The following PHF20L1 variants were observed in gnomAD, a reference collection of about 807,000 sequenced individuals.
The protein encoded by PHF20L1 is PHD finger protein 20 like 1.
A neutral mutation model predicts 125.5 loss-of-function variants in PHF20L1; 44 were observed. The observed-to-expected ratio is 0.35, with a 90% confidence interval of 0.28 to 0.45. The LOEUF (loss-of-function observed/expected upper bound fraction) is 0.45. PHF20L1 is among the 20% of genes least tolerant of loss of function. The probability of loss-of-function intolerance (pLI) is 1.00; values close to 1 mark genes in which losing one functional copy is unlikely to be tolerated. For synonymous variants in PHF20L1, 380 were observed against 403.1 expected (o/e 0.94, Z 0.69); for missense variants, 1,012 against 1,217.2 (o/e 0.83, Z 2.51).
At chr8:132,794,919 A>C in intron 4 of PHF20L1, 102 bp downstream of exon 4, 1 of 688,766 alleles carries the variant, frequency 1.5e-6, no homozygotes, top group Non-Finnish European at 2.5e-6. Flanking sequence ...ATTACGTATA[A>C]CTTTTATATT....
chr8:132,782,752 C>T (rs957634899), intron 2 of PHF20L1, among the ~76,000 whole-genome samples: 5 of 151,766 alleles, frequency 3.3e-5, no homozygotes, highest in African/African-American at 1.2e-4. Context: ...TAGTAACCTG[C>T]TGATTTTCTT....
intron 18 of PHF20L1, among the ~76,000 whole-genome samples, chr8:132,841,178 A>C (rs1019672557): frequency 1.3e-5 from 2 of 152,096 alleles, no homozygotes; most frequent in Non-Finnish European, 2.9e-5. Flanking sequence ...TTTAAATCAT[A>C]ATATCTGTTA....
chr8:132,847,315 AG>A lies in PHF20L1; in HGVS notation c.*1394del, dbSNP rs1408546820. On this transcript the variant is annotated 3_prime_UTR_variant, in exon 21 of 21. Transcript: ENST00000395386. ...TTTTAAAAATTAAAAATGTATGTAT[AG>A]GTTTTGAAATTTTTTTAAAAGGGGA... 1.3e-5 allele frequency: 2 copies of A among 152,600 alleles called. No individual in the cohort carries two copies. The highest frequency in any genetic ancestry group is 2.9e-5 in the Non-Finnish European group (2 of 68,006). The allele number at this position is 152,600 out of a possible 1,614,324, so 9.5% of individuals were successfully genotyped here.
intron 2 of PHF20L1, among the ~76,000 whole-genome samples, chr8:132,780,223 G>A (rs1225383502): frequency 1.3e-5 from 2 of 152,060 alleles, no homozygotes; most frequent in Non-Finnish European, 2.9e-5. Flanking sequence ...TTAGTATTAG[G>A]TGGTGTGCTC....
chr8:132,823,981 C>G (rs200859402), intron 12 of PHF20L1, 23 bp from the exon 13 acceptor site: 1 of 1,467,558 alleles, frequency 6.8e-7, no homozygotes, highest in African/African-American at 1.4e-5. Flanking sequence ...ATTAAACTTA[C>G]ATATTTTTCC....
At chr8:132,777,978 A>G (rs878937343) in intron 2 of PHF20L1, 67 bp downstream of exon 2, 28 of 962,124 alleles carry the variant, frequency 2.9e-5, no homozygotes, top group Middle Eastern at 2.1e-4. Flanking sequence ...GTTAATTAAA[A>G]CAGTAAATTC....
chr8:132,829,022 ACT>A (rs1836493224), intron 14 of PHF20L1, among the ~76,000 whole-genome samples: 1 of 152,042 alleles, frequency 6.6e-6, no homozygotes, highest in Admixed American at 6.6e-5. Flanking sequence ...CAAGGAAGGG[ACT>A]TTATGTAGGA....
intron 2 of PHF20L1, among the ~76,000 whole-genome samples, chr8:132,779,010 G>A (rs934005124): frequency 6.6e-6 from 1 of 152,174 alleles, no homozygotes; most frequent in African/African-American, 2.4e-5. Context: ...GAGAAATCTT[G>A]TTTAGTCATA....
At chr8:132,843,266 T>A in intron 19 of PHF20L1, 2 of 984,844 alleles carry the variant, frequency 2.0e-6, no homozygotes, top group Non-Finnish European at 2.4e-6. Flanking sequence ...GCACTCTAAT[T>A]GTCTGTTTAA....
At chr8:132,807,852 T>C (rs1833917190) in intron 8 of PHF20L1, 1 of 433,708 alleles carries the variant, frequency 2.3e-6, no homozygotes, top group African/African-American at 2.0e-5. Context: ...TGAAGCAGTG[T>C]AATGCATTCT....
In PHF20L1 at chr8:132,814,675, A is replaced by C. The variant is rs917441813; in HGVS notation, c.969A>C (p.Glu323Asp). 6.2e-7 allele frequency: 1 copy of C among 1,604,988 alleles called. No individual in the cohort carries two copies. The highest frequency in any genetic ancestry group is 8.5e-7 in the Non-Finnish European group (1 of 1,175,376). Residue 323 changes from glutamate to aspartate, a missense_variant, in exon 10 of 21, where the codon GAA becomes GAC. This residue lies in a region of PHF20L1 where 119 missense variants were observed against 160.2 expected (regional missense o/e 0.74). Coordinates refer to ENST00000395386, the MANE Select transcript of PHF20L1 (RefSeq NM_016018.5). The stretch of plus-strand genomic sequence containing the variant: ...AACCTCAAAGTCAGAAAAAAAATGA[A>C]GCTGACATTAGCAGTTCTGCCAACA... ...SPKPQSQKKN[E>D]ADISSSANTQ... is the part of the protein sequence containing the mutation.
chr8:132,793,519 A>C (rs1469264), intron 2 of PHF20L1, among the ~76,000 whole-genome samples: 1 of 151,980 alleles, frequency 6.6e-6, no homozygotes, highest in Non-Finnish European at 1.5e-5. Context: ...GGGATAAACT[A>C]TATGGCTGAA....
chr8:132,802,470 ATTTT>A (rs1280184793), intron 6 of PHF20L1, among the ~76,000 whole-genome samples: 1 of 151,468 alleles, frequency 6.6e-6, no homozygotes, highest in Admixed American at 6.6e-5. Context: ...GTTCTATAGT[ATTTT>A]GTTTATTTCT....
At chr8:132,804,349 A>C (rs1460443530) in intron 7 of PHF20L1, among the ~76,000 whole-genome samples, 1 of 151,806 alleles carries the variant, frequency 6.6e-6, no homozygotes, top group African/African-American at 2.4e-5. Context: ...TCAACCTTTT[A>C]AATGCTTCTG....
intron 18 of PHF20L1, 112 bp downstream of exon 18, chr8:132,839,694 A>G (rs928783312): frequency 1.0e-5 from 7 of 697,696 alleles, no homozygotes; most frequent in African/African-American, 5.4e-5. Flanking sequence ...GAGAACAGGT[A>G]TTTGAATAAA....
At chr8:132,784,181 G>A (rs1003101337) in intron 2 of PHF20L1, among the ~76,000 whole-genome samples, 10 of 152,014 alleles carry the variant, frequency 6.6e-5, no homozygotes, top group Non-Finnish European at 1.5e-4. Flanking sequence ...AACACACCTG[G>A]TTTCGGGTTG....
intron 2 of PHF20L1, among the ~76,000 whole-genome samples, chr8:132,789,543 T>TG (rs1468038873): frequency 6.6e-6 from 1 of 152,168 alleles, no homozygotes; most frequent in Admixed American, 6.5e-5. Flanking sequence ...TTTAAAGTCT[T>TG]CTCTATTTTG....
chr8:132,808,871 G>GT (rs1199617487), intron 8 of PHF20L1: 1 of 138,676 alleles, frequency 7.2e-6, no homozygotes, highest in Non-Finnish European at 1.6e-5. Flanking sequence ...TTTTGTTGTT[G>GT]TTTTTTACTT....
In PHF20L1 at chr8:132,799,112, A is replaced by T; in HGVS notation, c.447A>T (p.Pro149=). The change falls in exon 6 of 21, where the codon CCA becomes CCT. Residue 149 remains proline (P), a synonymous_variant. Transcript: ENST00000395386. The part of the protein sequence containing the change: ...DAKGQVKSQH[P]LSWCCPIDPA... ...TGTTCCAGGTGAAATCCCAGCATCC[A>T]CTAAGCTGGTGTTGTCCTATCGACC... 2 of 1,610,118 alleles carry T rather than the reference A, an allele frequency of 1.2e-6. No individual in the cohort carries two copies. Among genetic ancestry groups the T allele is most frequent in the Non-Finnish European group, 1.7e-6 (2 of 1,177,452 alleles).
Sources: allele counts gnomAD v4.1 joint callset (sites outside exome capture counted in the v4.1 genomes callset), GRCh38; gene constraint gnomAD v4.1.1; regional missense constraint gnomAD v4.1.1; transcripts MANE v1.5; gene names NCBI Gene and HGNC (gene_info 2026-07-23, HGNC 2026-07-21).